Variants in SLC35D2 observed in about 807,000 individuals in gnomAD.
The protein encoded by SLC35D2 is solute carrier family 35 member D2.
In SLC35D2, 43 loss-of-function variants were observed where a neutral mutation model predicts 41.8. The observed-to-expected ratio is 1.03, with a 90% CI of 0.81 to 1.33. The LOEUF is 1.33. Ranked by LOEUF, SLC35D2 falls within the 40% of genes most tolerant of loss-of-function variation. The pLI is 0.00. For synonymous variants in SLC35D2, 150 were observed against 163.9 expected, an observed-to-expected ratio of 0.92 and a Z score of 0.65; for missense variants, 380 against 408.4, an observed-to-expected ratio of 0.93 and a Z score of 0.60.
At chr9:96,334,946 A>T (rs1044078186) in intron 9 of SLC35D2, among the ~76,000 whole-genome samples, 1 of 152,248 alleles carries the variant, frequency 6.6e-6, no homozygotes, top group Non-Finnish European at 1.5e-5. Context: ...CTCCATCAAC[A>T]TTAAATCATT....
chr9:96,320,273 G>A (rs1177828578), downstream of SLC35D2, among the ~76,000 whole-genome samples: 1 of 152,222 alleles, frequency 6.6e-6, no homozygotes, highest in African/African-American at 2.4e-5. Context: ...CAGCACTTTA[G>A]GAGGCCAAGG....
downstream of SLC35D2, among the ~76,000 whole-genome samples, chr9:96,317,885 TAGCC>T (rs1412047417): frequency 2.9e-5 from 4 of 136,536 alleles, no homozygotes; most frequent in Admixed American, 7.1e-5. Context: ...AAAAAAAAAA[TAGCC>T]AGGCGTAGTG....
chr9:96,378,466 C>G (rs1221930337), intron 1 of SLC35D2, among the ~76,000 whole-genome samples: 1 of 151,828 alleles, frequency 6.6e-6, no homozygotes, highest in East Asian at 1.9e-4. Flanking sequence ...AACCTCAAAG[C>G]CTTTGGATGC....
At chr9:96,365,734 C>A (rs887129862) in intron 2 of SLC35D2, among the ~76,000 whole-genome samples, 1 of 152,106 alleles carries the variant, frequency 6.6e-6, no homozygotes, top group African/African-American at 2.4e-5. Flanking sequence ...TCCTTCAAAT[C>A]CTCTTAATCT....
Position 96,373,730 on chromosome 9 carries a change from G to C in SLC35D2, c.159-5425C>G, listed in dbSNP as rs188959351. On this transcript the variant is annotated intron_variant, in intron 1 of 11. Coordinates refer to ENST00000253270, the MANE Select transcript of SLC35D2 (RefSeq NM_007001.3). ...ATTTGAGCTTCTCTTTTGTTCTCCTGAGCAGTCCCCAAGGAAACCCAGAAG... is the reference window on the plus strand; with the variant it reads ...ATTTGAGCTTCTCTTTTGTTCTCCTCAGCAGTCCCCAAGGAAACCCAGAAG... Among the ~76,000 whole-genome samples, 680 of 151,030 alleles carry C rather than the reference G, an allele frequency of 4.5e-3. 2 individuals carry two copies. The highest frequency in any genetic ancestry group is 7.3e-3 in the Non-Finnish European group (497 of 67,844).
intron 6 of SLC35D2, among the ~76,000 whole-genome samples, chr9:96,346,748 A>C (rs1205384078): frequency 6.6e-6 from 1 of 152,032 alleles, no homozygotes; most frequent in African/African-American, 2.4e-5. Flanking sequence ...ACGCCTCCAC[A>C]CATTATTATC....
downstream of SLC35D2, among the ~76,000 whole-genome samples, chr9:96,320,447 C>G (rs962292614): frequency 2.7e-5 from 4 of 150,684 alleles, no homozygotes; most frequent in Admixed American, 6.7e-5. Context: ...ACCCGGGTGG[C>G]AGAGGCTGCA....
intron 6 of SLC35D2, among the ~76,000 whole-genome samples, chr9:96,347,939 G>A (rs958255609): frequency 2.0e-5 from 3 of 152,146 alleles, no homozygotes; most frequent in Non-Finnish European, 4.4e-5. Flanking sequence ...ACCCTATATG[G>A]TCTAAAAGGG....
chr9:96,329,212 T>A (rs895987847), intron 9 of SLC35D2, among the ~76,000 whole-genome samples: 1 of 151,988 alleles, frequency 6.6e-6, no homozygotes, highest in Non-Finnish European at 1.5e-5. Context: ...CTTTTATATA[T>A]ATAAATACAC....
At chr9:96,365,358 C>CAA (rs951601365) in intron 2 of SLC35D2, among the ~76,000 whole-genome samples, 11 of 129,100 alleles carry the variant, frequency 8.5e-5, no homozygotes, top group African/African-American at 2.0e-4. Flanking sequence ...GACTCTATCT[C>CAA]AAAAAAAAAA....
chr9:96,343,326 T>C (rs1476679323), intron 8 of SLC35D2, among the ~76,000 whole-genome samples: 1 of 152,122 alleles, frequency 6.6e-6, no homozygotes, highest in Non-Finnish European at 1.5e-5. Context: ...CTTCCCAAAA[T>C]TCAAATGTGG....
intron 9 of SLC35D2, among the ~76,000 whole-genome samples, chr9:96,329,672 CA>C (rs1198527553): frequency 6.6e-6 from 1 of 151,894 alleles, no homozygotes; most frequent in Admixed American, 6.6e-5. Flanking sequence ...TCAGCCATTG[CA>C]ATTAAGCAAT....
chr9:96,341,667 C>T (rs968479357), intron 8 of SLC35D2, among the ~76,000 whole-genome samples: 1 of 152,174 alleles, frequency 6.6e-6, no homozygotes, highest in Non-Finnish European at 1.5e-5. Context: ...GAAGATTCCA[C>T]ATGATAATCA....
chr9:96,365,665 TCTTTAAA>T (rs1481904047), intron 2 of SLC35D2, among the ~76,000 whole-genome samples: 2 of 152,200 alleles, frequency 1.3e-5, no homozygotes, highest in Non-Finnish European at 2.9e-5. Flanking sequence ...GAAAAAAAGT[TCTTTAAA>T]CTTTACTTTT....
chr9:96,342,024 AC>A (rs1829349463), intron 8 of SLC35D2, among the ~76,000 whole-genome samples: 1 of 151,720 alleles, frequency 6.6e-6, no homozygotes, highest in South Asian at 2.1e-4. Context: ...CAAAACAAAA[AC>A]AAAAAAAAAC....
At chr9:96,336,085 G>C (rs1829039972) in intron 9 of SLC35D2, among the ~76,000 whole-genome samples, 3 of 148,972 alleles carry the variant, frequency 2.0e-5, no homozygotes, top group Admixed American at 1.3e-4. Flanking sequence ...AAAATTTCAA[G>C]AACAAAAAAG....
At chr9:96,326,789 G>C (rs147708127) in intron 9 of SLC35D2, among the ~76,000 whole-genome samples, 2,200 of 142,946 alleles carry the variant, frequency 0.015, 22 homozygotes, top group Non-Finnish European at 0.024. Flanking sequence ...CTGGGCAACA[G>C]AGCGAGACTC....
intron 8 of SLC35D2, among the ~76,000 whole-genome samples, chr9:96,342,333 T>G (rs1482823754): frequency 1.3e-5 from 2 of 152,128 alleles, no homozygotes; most frequent in African/African-American, 4.8e-5. Context: ...TTTCATCACG[T>G]TGGCCAGGCT....
chr9:96,368,090 A>C (rs1830545660), intron 2 of SLC35D2, among the ~76,000 whole-genome samples, 182 bp downstream of exon 2: 1 of 152,244 alleles, frequency 6.6e-6, no homozygotes, highest in South Asian at 2.1e-4. Context: ...TTGTTCCTAA[A>C]TTGTAGACTG....
Sources: allele counts gnomAD v4.1 joint callset (sites outside exome capture counted in the v4.1 genomes callset), GRCh38; gene constraint gnomAD v4.1.1; transcripts MANE v1.5; gene names NCBI Gene and HGNC (gene_info 2026-07-23, HGNC 2026-07-21).